CHRNB3: variants seen among roughly 807,000 people sequenced by gnomAD.
CHRNB3 encodes the protein cholinergic receptor nicotinic beta 3 subunit, also known as neuronal acetylcholine receptor subunit beta-3.
In CHRNB3, 37 loss-of-function variants were observed where a neutral mutation model predicts 40.6. The ratio of observed to expected loss-of-function variants is 0.91; its 90% CI spans 0.70 to 1.20. The LOEUF is 1.20. Ranked by LOEUF, CHRNB3 falls within the 50% of genes most tolerant of loss-of-function variation. The pLI, the probability that CHRNB3 is intolerant of heterozygous loss-of-function variation, is 0.00. For missense variants in CHRNB3, 505 were observed against 551.2 expected (o/e 0.92, Z 0.84); for synonymous variants, 207 against 207.1 (o/e 1.00, Z 0.00).
chr8:42,704,482 G>GT (rs1815885534), intron 1 of CHRNB3: 1 of 152,192 alleles, frequency 6.6e-6, no homozygotes, highest in African/African-American at 2.4e-5. Flanking sequence ...GCACAGCTGC[G>GT]TAAGTGCAAA....
intron 3 of CHRNB3, among the ~76,000 whole-genome samples, chr8:42,714,070 C>T (rs58645946): frequency 0.03 from 4,590 of 152,246 alleles, 229 homozygotes; most frequent in African/African-American, 0.11. Flanking sequence ...AGTTAATACG[C>T]GCTGTTATGG....
chr8:42,734,514 G>A (rs1816486475), intron 5 of CHRNB3, among the ~76,000 whole-genome samples: 1 of 150,968 alleles, frequency 6.6e-6, no homozygotes, highest in Admixed American at 6.6e-5. Flanking sequence ...CCACCTTCCG[G>A]GTTCGTGCCA....
At chr8:42,703,427 A>ATATATATATATATAT (rs1815855622) in intron 1 of CHRNB3, among the ~76,000 whole-genome samples, 2 of 35,818 alleles carry the variant, frequency 5.6e-5, no homozygotes, top group African/African-American at 1.1e-4. Context: ...TCGTCTAAAA[A>ATATATATATATATAT]AAAAAAAAAT....
intron 3 of CHRNB3, among the ~76,000 whole-genome samples, chr8:42,716,975 G>A (rs62518160): frequency 0.057 from 8,713 of 152,172 alleles, 335 homozygotes; most frequent in Middle Eastern, 0.11. Flanking sequence ...TCTTAAAGTA[G>A]CAGTGTCTTT....
At chr8:42,718,336 G>C (rs1816155043) in intron 3 of CHRNB3, among the ~76,000 whole-genome samples, 1 of 152,102 alleles carries the variant, frequency 6.6e-6, no homozygotes. Flanking sequence ...AAGGATATTT[G>C]TTCCTTATTA....
intron 1 of CHRNB3, among the ~76,000 whole-genome samples, chr8:42,703,435 A>AAAATATATATATAT: frequency 4.2e-5 from 2 of 47,396 alleles, no homozygotes; most frequent in Admixed American, 4.7e-4. Context: ...AAAAAAAAAA[A>AAAATATATATATAT]ATATTTATAT....
intron 1 of CHRNB3, among the ~76,000 whole-genome samples, chr8:42,706,869 T>G (rs1815930776): frequency 6.6e-6 from 1 of 152,146 alleles, no homozygotes. Context: ...CAAGCCATCC[T>G]CCTGCCCCAG....
intron 3 of CHRNB3, among the ~76,000 whole-genome samples, chr8:42,720,913 G>A (rs966699067): frequency 1.3e-5 from 2 of 152,250 alleles, no homozygotes; most frequent in Non-Finnish European, 2.9e-5. Context: ...ACTGGGTGTA[G>A]GTAAAGACCT....
At chr8:42,734,799 T>C (rs1286998348) in intron 5 of CHRNB3, among the ~76,000 whole-genome samples, 1 of 152,120 alleles carries the variant, frequency 6.6e-6, no homozygotes, top group Non-Finnish European at 1.5e-5. Context: ...CTCTTAACAA[T>C]CTGTCATGTT....
In CHRNB3 at chr8:42,725,901, A is replaced by G. The variant is rs1816300659; in HGVS notation, c.250-4693A>G. 42 of 850,570 alleles carry G rather than the reference A, an allele frequency of 4.9e-5. No homozygotes were observed. In the Admixed American group the frequency reaches 6.8e-4, roughly 14 times the overall value. 52.7% of individuals were successfully genotyped at this position (850,570 alleles called of 1,614,324 possible). On this transcript the variant is annotated intron_variant, in intron 3 of 5. Coordinates refer to ENST00000289957, the MANE Select transcript of CHRNB3 (RefSeq NM_000749.5). ...CACCACTAAAAATTTTCTTTGGGCA[A>G]AGTCTCGCAATGGTTCTCTGCACCA...
intron 1 of CHRNB3, chr8:42,705,468 A>G (rs377488806): frequency 1.6e-4 from 25 of 152,270 alleles, no homozygotes; most frequent in African/African-American, 5.5e-4. Flanking sequence ...GATTTATGCC[A>G]TTATCATGGG....
At chr8:42,708,458 T>G (rs539112542) in intron 1 of CHRNB3, among the ~76,000 whole-genome samples, 2 of 135,396 alleles carry the variant, frequency 1.5e-5, no homozygotes, top group Admixed American at 1.6e-4. Context: ...AGAGTGAGAC[T>G]CTGTCTCAAA....
intron 3 of CHRNB3, among the ~76,000 whole-genome samples, chr8:42,729,386 G>C (rs1046793954): frequency 6.6e-6 from 1 of 152,000 alleles, no homozygotes; most frequent in Admixed American, 6.6e-5. Context: ...CTCCAGCCTG[G>C]GCAACAGAGC....
chr8:42,729,461 T>C (rs1017208405), intron 3 of CHRNB3, among the ~76,000 whole-genome samples: 5 of 152,112 alleles, frequency 3.3e-5, no homozygotes, highest in African/African-American at 1.2e-4. Flanking sequence ...TACTTCAGAT[T>C]CTAGCTTTTT....
chr8:42,717,864 C>T (rs894789006), intron 3 of CHRNB3, among the ~76,000 whole-genome samples: 2 of 130,438 alleles, frequency 1.5e-5, no homozygotes, highest in African/African-American at 2.9e-5. Context: ...CTCACTCTGT[C>T]GCCCAGGCTG....
chr8:42,725,459 AG>A (rs1270288753), intron 3 of CHRNB3: 15 of 639,484 alleles, frequency 2.3e-5, no homozygotes, highest in Non-Finnish European at 3.9e-5. Flanking sequence ...TCTTCTCTGA[AG>A]ATACTTGATA....
intron 3 of CHRNB3, among the ~76,000 whole-genome samples, chr8:42,711,923 T>C (rs1816022690): frequency 6.6e-6 from 1 of 152,078 alleles, no homozygotes; most frequent in Non-Finnish European, 1.5e-5. Context: ...TGGGTACCAG[T>C]TGTTTAGCTC....
At chr8:42,709,820 CG>C (rs1419486584) in intron 2 of CHRNB3, among the ~76,000 whole-genome samples, 14 of 151,994 alleles carry the variant, frequency 9.2e-5, no homozygotes, top group Non-Finnish European at 1.9e-4. Flanking sequence ...TTAGTAGAGA[CG>C]GGGTTTCGCC....
chr8:42,706,325 G>A (rs547956055), intron 1 of CHRNB3, among the ~76,000 whole-genome samples: 46 of 152,280 alleles, frequency 3.0e-4, no homozygotes, highest in African/African-American at 1.0e-3. Flanking sequence ...AGACTGTGGA[G>A]GGACTTAGGA....
Sources: allele counts gnomAD v4.1 joint callset (sites outside exome capture counted in the v4.1 genomes callset), GRCh38; gene constraint gnomAD v4.1.1; transcripts MANE v1.5; gene names NCBI Gene and HGNC (gene_info 2026-07-23, HGNC 2026-07-21).